Variants in RBMS3 observed in about 807,000 individuals in gnomAD.
RBMS3 encodes RNA binding motif single stranded interacting protein 3.
A neutral mutation model predicts 66.8 loss-of-function variants in RBMS3; 27 were observed. The observed-to-expected ratio is 0.40, with a 90% CI of 0.30 to 0.56. The LOEUF (loss-of-function observed/expected upper bound fraction) is 0.56. Ranked by LOEUF, RBMS3 falls within the 20% of genes least tolerant of loss-of-function variation. The probability of loss-of-function intolerance (pLI) is 0.40; values close to 1 mark genes in which losing one functional copy is unlikely to be tolerated. For synonymous variants in RBMS3, 188 were observed against 183.0 expected (o/e 1.03, Z -0.22); for missense variants, 513 against 549.5 (o/e 0.93, Z 0.66).
At chr3:29,538,085 A>T (rs1457340122) in intron 3 of RBMS3, among the ~76,000 whole-genome samples, 2 of 152,202 alleles carry the variant, frequency 1.3e-5, no homozygotes, top group African/African-American at 4.8e-5. Flanking sequence ...CCCTAGGGTA[A>T]CATGTCATTC....
At chr3:29,620,943 A>C (rs551807860) in intron 4 of RBMS3, among the ~76,000 whole-genome samples, 64 of 152,274 alleles carry the variant, frequency 4.2e-4, no homozygotes, top group Non-Finnish European at 7.8e-4. Context: ...TATGCATACC[A>C]ATTATTTTAA....
In RBMS3 at chr3:29,700,349, C is replaced by T. The variant is rs115809455; in HGVS notation, c.400-39371C>T. 4.3e-3 allele frequency among the ~76,000 whole-genome samples: 655 copies of T among 152,258 alleles called. 3 individuals are homozygous for T. The highest frequency in any genetic ancestry group is 0.013 in the African/African-American group (539 of 41,548). Reference sequence around the variant, plus strand: ...TCTCTTCCATATGTTGCAGAATTAACGCCAAACTGTGTACGGTCTGAATCC... The same window carrying T: ...TCTCTTCCATATGTTGCAGAATTAATGCCAAACTGTGTACGGTCTGAATCC... On this transcript the variant is annotated intron_variant, in intron 4 of 14. Coordinates refer to ENST00000383767, the MANE Select transcript of RBMS3 (RefSeq NM_001003793.3).
intron 6 of RBMS3, among the ~76,000 whole-genome samples, chr3:29,782,746 G>C (rs1339571757): frequency 6.6e-6 from 1 of 152,172 alleles, no homozygotes; most frequent in African/African-American, 2.4e-5. Flanking sequence ...GGAGGCACCA[G>C]AGAAAGGTGA....
chr3:29,452,804 A>C (rs1449919719), intron 2 of RBMS3, among the ~76,000 whole-genome samples: 3 of 152,232 alleles, frequency 2.0e-5, no homozygotes, highest in African/African-American at 7.2e-5. Context: ...TGAGTAGCTC[A>C]AACCAGGAAT....
intron 4 of RBMS3, among the ~76,000 whole-genome samples, chr3:29,593,645 T>A (rs191994449): frequency 1.9e-4 from 29 of 152,354 alleles, no homozygotes; most frequent in Admixed American, 1.9e-3. Flanking sequence ...GAAATCCCTA[T>A]ATGCTATCAT....
intron 4 of RBMS3, among the ~76,000 whole-genome samples, chr3:29,620,296 A>T (rs1041170233): frequency 3.3e-5 from 5 of 152,084 alleles, no homozygotes; most frequent in Non-Finnish European, 7.4e-5. Flanking sequence ...GTTACAACAA[A>T]TTTTTTTATA....
At chr3:29,573,348 C>A (rs2047005516) in intron 3 of RBMS3, among the ~76,000 whole-genome samples, 1 of 152,072 alleles carries the variant, frequency 6.6e-6, no homozygotes, top group Admixed American at 6.6e-5. Context: ...CTCAATCTCC[C>A]AACCTCTGGT....
At chr3:29,348,443 C>T (rs1368613807) in intron 1 of RBMS3, among the ~76,000 whole-genome samples, 2 of 151,992 alleles carry the variant, frequency 1.3e-5, no homozygotes, top group Non-Finnish European at 2.9e-5. Flanking sequence ...TCAGACAAAA[C>T]ACTGCATTTA....
At chr3:29,936,864 AT>A (rs34368629) in intron 11 of RBMS3, among the ~76,000 whole-genome samples, 1 of 152,076 alleles carries the variant, frequency 6.6e-6, no homozygotes, top group South Asian at 2.1e-4. Context: ...ACTTTGTTTG[AT>A]TTTTTTAAAA....
chr3:29,902,098 T>C (rs2060269072), intron 10 of RBMS3, among the ~76,000 whole-genome samples: 1 of 151,816 alleles, frequency 6.6e-6, no homozygotes, highest in African/African-American at 2.4e-5. Flanking sequence ...ACAACATGGA[T>C]TCTTGGTTGA....
intron 12 of RBMS3, among the ~76,000 whole-genome samples, chr3:29,952,010 A>G (rs555526571): frequency 6.6e-6 from 1 of 151,960 alleles, no homozygotes; most frequent in South Asian, 2.1e-4. Flanking sequence ...TGCTACACTT[A>G]TAACTTATTA....
chr3:29,760,281 ACC>A (rs1553659310), intron 5 of RBMS3, among the ~76,000 whole-genome samples: 1 of 149,478 alleles, frequency 6.7e-6, no homozygotes, highest in African/African-American at 2.5e-5. Flanking sequence ...ACACACACAC[ACC>A]CCTACACACA....
intron 2 of RBMS3, among the ~76,000 whole-genome samples, chr3:29,441,139 G>A (rs1276391252): frequency 6.6e-6 from 1 of 152,136 alleles, no homozygotes; most frequent in Non-Finnish European, 1.5e-5. Flanking sequence ...GCAGGTGTGA[G>A]CAGGAAGTGA....
At chr3:29,906,097 C>A (rs867565725) in intron 10 of RBMS3, among the ~76,000 whole-genome samples, 2 of 152,022 alleles carry the variant, frequency 1.3e-5, no homozygotes, top group Admixed American at 6.6e-5. Context: ...CCCAAGAATT[C>A]TTTTATGTAT....
At chr3:29,892,474 C>T (rs1172596018) in intron 8 of RBMS3, among the ~76,000 whole-genome samples, 1 of 151,470 alleles carries the variant, frequency 6.6e-6, no homozygotes, top group Non-Finnish European at 1.5e-5. Context: ...CCCCTCTCCT[C>T]CAGTTGCGAT....
chr3:29,986,262 G>C (rs1439111383), intron 12 of RBMS3, among the ~76,000 whole-genome samples: 1 of 152,156 alleles, frequency 6.6e-6, no homozygotes. Flanking sequence ...AAATCTGCTA[G>C]ATTTTTGAGA....
rs1230777621 is a variant in RBMS3, at chr3:30,006,049, A to C, written c.*2187A>C. Reference sequence around the variant, plus strand: ...TACCTGAAATTAAGGACAATGGAATAGAATTTGTTAAGTGAACCATTCACT... The same window carrying C: ...TACCTGAAATTAAGGACAATGGAATCGAATTTGTTAAGTGAACCATTCACT... On this transcript the variant is annotated 3_prime_UTR_variant, in exon 15 of 15. Coordinates refer to ENST00000383767, the MANE Select transcript of RBMS3 (RefSeq NM_001003793.3). 1 of 151,916 alleles carries C rather than the reference A, an allele frequency of 6.6e-6. No homozygotes were observed. Among genetic ancestry groups the C allele is most frequent in the Non-Finnish European group, 1.5e-5 (1 of 67,840 alleles). The allele number at this position is 151,916 out of a possible 1,614,324, so 9.4% of individuals were successfully genotyped here.
intron 8 of RBMS3, among the ~76,000 whole-genome samples, chr3:29,889,052 C>G (rs2059939037): frequency 6.6e-6 from 1 of 151,656 alleles, no homozygotes; most frequent in Non-Finnish European, 1.5e-5. Flanking sequence ...TATTACGTGG[C>G]CTTTACTAAC....
At chr3:29,906,861 A>G (rs2060392973) in intron 10 of RBMS3, among the ~76,000 whole-genome samples, 1 of 152,122 alleles carries the variant, frequency 6.6e-6, no homozygotes, top group African/African-American at 2.4e-5. Flanking sequence ...CATTATATAT[A>G]TCATATGTAT....
Sources: gnomAD v4.1 joint callset for allele counts (sites outside exome capture counted in the v4.1 genomes callset) on GRCh38, gnomAD v4.1.1 for gene constraint, MANE v1.5 for transcripts, NCBI Gene and HGNC (gene_info 2026-07-23, HGNC 2026-07-21) for gene names.